TSHZ2: variants seen among roughly 807,000 people sequenced by gnomAD.
The protein encoded by TSHZ2 is teashirt zinc finger homeobox 2.
Under a neutral mutation model 74.4 loss-of-function variants are expected in TSHZ2, and 21 were observed. The observed-to-expected ratio is 0.28, with a 90% CI of 0.20 to 0.41. The LOEUF (loss-of-function observed/expected upper bound fraction) is 0.41. Among genes scored for constraint, TSHZ2 ranks in the 10% least tolerant of loss-of-function variants. The probability of loss-of-function intolerance (pLI) is 1.00; values close to 1 mark genes in which losing one functional copy is unlikely to be tolerated. For missense variants in TSHZ2, 1,244 were observed against 1,293.5 expected (o/e 0.96, Z 0.59); for synonymous variants, 540 against 515.3 (o/e 1.05, Z -0.65).
At chr20:53,002,387 T>C (rs962723712) in intron 1 of TSHZ2, among the ~76,000 whole-genome samples, 1 of 152,168 alleles carries the variant, frequency 6.6e-6, no homozygotes, top group African/African-American at 2.4e-5. Flanking sequence ...CTAAAAATAA[T>C]ACAAAATGAA....
chr20:53,130,973 A>G (rs779340827), intron 1 of TSHZ2, among the ~76,000 whole-genome samples: 1 of 152,246 alleles, frequency 6.6e-6, no homozygotes, highest in Non-Finnish European at 1.5e-5. Flanking sequence ...TCAGAAATAT[A>G]TTATTAAGCC....
intron 1 of TSHZ2, among the ~76,000 whole-genome samples, chr20:52,988,454 C>T (rs1322269386): frequency 1.3e-5 from 2 of 152,168 alleles, no homozygotes; most frequent in Non-Finnish European, 2.9e-5. Flanking sequence ...TGCTTTGTTG[C>T]TTCTCATAGT....
chr20:53,078,341 T>G (rs1477884966), intron 1 of TSHZ2, among the ~76,000 whole-genome samples: 1 of 152,202 alleles, frequency 6.6e-6, no homozygotes, highest in African/African-American at 2.4e-5. Flanking sequence ...AAATTAAAAT[T>G]TTGAGTAATA....
chr20:53,118,442 G>A (rs1023237167), intron 1 of TSHZ2, among the ~76,000 whole-genome samples: 3 of 152,134 alleles, frequency 2.0e-5, no homozygotes, highest in Non-Finnish European at 2.9e-5. Context: ...AAACTTACGA[G>A]AGAGTGAGGA....
rs1985313805 is a variant in TSHZ2 at position 53,074,740 on chromosome 20, A to G, written c.40+101407A>G. ...CTGAATTTTAAAGAAAAATTCAGGC[A>G]CATCTACTCTGTGCCAGGGAAGGTG... is the stretch of plus-strand genomic sequence containing the variant. On this transcript the variant is annotated intron_variant, in intron 1 of 2. Coordinates refer to ENST00000371497, the MANE Select transcript of TSHZ2 (RefSeq NM_173485.6). The surrounding 1 kb of genome is among the most constrained non-coding windows in gnomAD (Gnocchi z 5.9). Among the ~76,000 whole-genome samples the G allele has an allele frequency of 6.6e-6, 1 of 152,240 alleles. No homozygotes were observed. The highest frequency in any genetic ancestry group is 1.5e-5 in the Non-Finnish European group (1 of 68,036).
At chr20:53,459,960 C>T (rs909606732) in intron 2 of TSHZ2, among the ~76,000 whole-genome samples, 12 of 152,178 alleles carry the variant, frequency 7.9e-5, no homozygotes, top group African/African-American at 2.9e-4. Flanking sequence ...TTGAGGGTAA[C>T]CCGACCTTTC....
chr20:53,124,007 C>T (rs548591816), intron 1 of TSHZ2, among the ~76,000 whole-genome samples: 1 of 152,274 alleles, frequency 6.6e-6, no homozygotes, highest in Admixed American at 6.5e-5. Flanking sequence ...AAACTTCAAG[C>T]CAAAACACCC....
intron 1 of TSHZ2, among the ~76,000 whole-genome samples, chr20:53,163,734 G>A (rs1245125921): frequency 6.6e-6 from 1 of 152,118 alleles, no homozygotes; most frequent in Admixed American, 6.5e-5. Flanking sequence ...AGTTAACTTA[G>A]GAGTGGACTC....
At position 53,351,442 on chromosome 20, in the gene TSHZ2, C is replaced by T. The variant is rs140924965; in HGVS notation, c.*8+94871C>T. Among the ~76,000 whole-genome samples, 16 of 152,210 alleles carry T rather than the reference C, an allele frequency of 1.1e-4. No homozygotes were observed. In the East Asian group the frequency reaches 1.7e-3, roughly 17 times the overall value. On this transcript the variant is annotated intron_variant, in intron 2 of 2. Transcript: ENST00000371497. The stretch of plus-strand genomic sequence containing the variant: ...TGAAGAAAATAAAGAATTTTTTTAA[C>T]GAATGGATTATGATACTTACCTTCA...
At chr20:53,413,735 T>C (rs931285301) in intron 2 of TSHZ2, among the ~76,000 whole-genome samples, 1 of 152,226 alleles carries the variant, frequency 6.6e-6, no homozygotes, top group African/African-American at 2.4e-5. Context: ...TTCAAACTAA[T>C]GAAGGAAATT....
chr20:53,190,281 G>T (rs1238045174), intron 1 of TSHZ2, among the ~76,000 whole-genome samples: 1 of 151,038 alleles, frequency 6.6e-6, no homozygotes, highest in Non-Finnish European at 1.5e-5. Flanking sequence ...TGGCTAAGTA[G>T]GTTGTCCAAC....
At chr20:53,347,006 C>T (rs1980464530) in intron 2 of TSHZ2, among the ~76,000 whole-genome samples, 1 of 152,142 alleles carries the variant, frequency 6.6e-6, no homozygotes, top group African/African-American at 2.4e-5. Context: ...CATTAGACTC[C>T]CTCATCCTGA....
chr20:53,207,027 C>T (rs901230868), intron 1 of TSHZ2, among the ~76,000 whole-genome samples: 1 of 152,208 alleles, frequency 6.6e-6, no homozygotes, highest in Non-Finnish European at 1.5e-5. Context: ...TATGCCACCC[C>T]TTACCACCTG....
intron 1 of TSHZ2, 122 bp from the exon 2 acceptor site, chr20:53,253,377 C>A: frequency 6.9e-7 from 1 of 1,456,564 alleles, no homozygotes; most frequent in Non-Finnish European, 9.0e-7. Flanking sequence ...GCTCACAGTG[C>A]ATAAAAATGT....
chr20:53,375,553 T>C (rs1981629752), intron 2 of TSHZ2, among the ~76,000 whole-genome samples: 1 of 152,148 alleles, frequency 6.6e-6, no homozygotes, highest in African/African-American at 2.4e-5. Context: ...TTTCAGTCCC[T>C]TTTTTACCTA....
chr20:53,035,001 C>T (rs1374619064), intron 1 of TSHZ2, among the ~76,000 whole-genome samples: 6 of 152,144 alleles, frequency 3.9e-5, no homozygotes, highest in Non-Finnish European at 8.8e-5. Context: ...AAGGAGACTC[C>T]TGTCTAGAAA....
chr20:53,487,070 C>A (rs1003036367), intron 2 of TSHZ2, 74 bp from the exon 3 acceptor site: 1 of 152,584 alleles, frequency 6.6e-6, no homozygotes, highest in Non-Finnish European at 1.5e-5. Context: ...AAGGTGATCA[C>A]CCTGGGGAAA....
chr20:53,149,511 C>A (rs996083729), intron 1 of TSHZ2, among the ~76,000 whole-genome samples: 1 of 152,152 alleles, frequency 6.6e-6, no homozygotes, highest in Non-Finnish European at 1.5e-5. Context: ...ATTTAAAGTT[C>A]TTGAGCTGCC....
chr20:53,285,977 A>G (rs1991156728), intron 2 of TSHZ2, among the ~76,000 whole-genome samples: 2 of 151,578 alleles, frequency 1.3e-5, no homozygotes, highest in Admixed American at 6.5e-5. Context: ...GGGAAGGGAA[A>G]ACAGAGGTTT....
Sources: allele counts gnomAD v4.1 joint callset (sites outside exome capture counted in the v4.1 genomes callset), GRCh38; gene constraint gnomAD v4.1.1; non-coding constraint Gnocchi (gnomAD v3.1); transcripts MANE v1.5; gene names NCBI Gene and HGNC (gene_info 2026-07-23, HGNC 2026-07-21).